ACSL6: variants seen among roughly 807,000 people sequenced by gnomAD.
ACSL6 encodes acyl-CoA synthetase long chain family member 6.
In ACSL6, 47 loss-of-function variants were observed where a neutral mutation model predicts 98.2. That is an observed-to-expected ratio of 0.48 (90% CI 0.38 to 0.61). ACSL6 has a LOEUF of 0.61. Ranked by LOEUF, ACSL6 falls within the 20% of genes least tolerant of loss-of-function variation. ACSL6 has a pLI of 0.00. For synonymous variants in ACSL6, 362 were observed against 336.9 expected (o/e 1.07, Z -0.82); for missense variants, 761 against 913.4 (o/e 0.83, Z 2.15).
chr5:131,969,540 G>C (rs1392053735), intron 15 of ACSL6, among the ~76,000 whole-genome samples: 1 of 152,002 alleles, frequency 6.6e-6, no homozygotes, highest in Non-Finnish European at 1.5e-5. Context: ...TAGATCACAA[G>C]ATACAACTCC....
At chr5:131,967,688 A>AATAATG (rs1209394646) in intron 16 of ACSL6, among the ~76,000 whole-genome samples, 79 of 148,586 alleles carry the variant, frequency 5.3e-4, no homozygotes, top group Admixed American at 1.4e-3. Flanking sequence ...TAATAATAAT[A>AATAATG]ATAATAATAA....
At chr5:131,977,475 G>A (rs1286655237) in intron 9 of ACSL6, among the ~76,000 whole-genome samples, 1 of 152,146 alleles carries the variant, frequency 6.6e-6, no homozygotes, top group Non-Finnish European at 1.5e-5. Flanking sequence ...GATCTGACAG[G>A]GCTCAAATCC....
At position 131,951,906 on chromosome 5, in the gene ACSL6, T is replaced by G. The variant is rs182489396; in HGVS notation, c.*2328A>C. ...CCAGCCAAAAAGAAGAAATATTAAG[T>G]TGTCCATAATCTGTTATATCTAACT... On this transcript the variant is annotated 3_prime_UTR_variant, in exon 21 of 21. Coordinates refer to ENST00000651883, the MANE Select transcript of ACSL6 (RefSeq NM_001009185.3). 2 of 170,650 alleles carry G rather than the reference T, an allele frequency of 1.2e-5. No individual in the cohort carries two copies. The highest frequency in any genetic ancestry group is 1.3e-4 in the Admixed American group (2 of 15,684). The allele number at this position is 170,650 out of a possible 1,614,324, so 10.6% of individuals were successfully genotyped here.
chr5:131,988,662 A>G, intron 6 of ACSL6, 143 bp downstream of exon 6: 1 of 1,601,862 alleles, frequency 6.2e-7, no homozygotes, highest in African/African-American at 1.3e-5. Context: ...AAGCCAACTC[A>G]GGAGCCACAG....
Position 131,974,698 on chromosome 5 carries a change from C to A in ACSL6, c.1068+195G>T, listed in dbSNP as rs1753520195. The A allele has an allele frequency of 3.2e-6, 5 of 1,550,234 alleles. No homozygotes were observed. The South Asian group carries it at 5.9e-5, about 18-fold the overall frequency. ...ACTTCATGCCACCAGTGACAAGTGA[C>A]ACCCGCTAGGGTTATGGGTTCTAGG... On this transcript the variant is annotated intron_variant, in intron 11 of 20. Transcript: ENST00000651883.
intron 2 of ACSL6, 49 bp downstream of exon 2, chr5:131,993,982 G>T: frequency 6.3e-7 from 1 of 1,581,046 alleles, no homozygotes; most frequent in Non-Finnish European, 8.7e-7. Flanking sequence ...CAAGATGCCT[G>T]TCCTCTGCCC....
intron 20 of ACSL6, among the ~76,000 whole-genome samples, chr5:131,954,875 A>G (rs142329521): frequency 1.3e-5 from 2 of 152,318 alleles, no homozygotes; most frequent in African/African-American, 4.8e-5. Flanking sequence ...CAGAGGCAAC[A>G]CCAAAACAAA....
intron 1 of ACSL6, among the ~76,000 whole-genome samples, chr5:132,008,314 C>T (rs11739123): frequency 0.026 from 4,014 of 152,308 alleles, 137 homozygotes; most frequent in African/African-American, 0.079. Context: ...CTGAACTAAG[C>T]CAAAGTGTGC....
At chr5:131,985,504 C>T (rs767386486) in intron 8 of ACSL6, 46 bp from the exon 9 acceptor site, 1 of 1,607,882 alleles carries the variant, frequency 6.2e-7, no homozygotes, top group African/African-American at 1.3e-5. Flanking sequence ...CCAGTGTGGC[C>T]AGCCAGGGCC....
rs1004048671 is a variant in ACSL6 at position 131,951,662 on chromosome 5, T to G, written c.*2572A>C. On this transcript the variant is annotated 3_prime_UTR_variant, in exon 21 of 21. Coordinates refer to ENST00000651883, the MANE Select transcript of ACSL6 (RefSeq NM_001009185.3). ...GTACAGTGGCGGGATCTCGGCTCAC[T>G]GCAAGCTCCGCCTCCCAGGTTCATG... 20 of 172,530 alleles carry G rather than the reference T, an allele frequency of 1.2e-4. No homozygotes were observed. The highest frequency in any genetic ancestry group is 2.5e-5 in the Non-Finnish European group (2 of 79,660). The allele number at this position is 172,530 out of a possible 1,614,324, so 10.7% of individuals were successfully genotyped here. A position where few individuals can be genotyped will look rare whatever the true frequency, so the allele number is the denominator to read the frequency against.
chr5:131,975,198 G>C (rs1754218357), intron 10 of ACSL6: 2 of 1,391,768 alleles, frequency 1.4e-6, no homozygotes, highest in Admixed American at 6.1e-5. Context: ...GAGAGAGACA[G>C]GGCAGCATAG....
chr5:131,977,837 T>C (rs1389922038), intron 9 of ACSL6, among the ~76,000 whole-genome samples: 1 of 152,136 alleles, frequency 6.6e-6, no homozygotes, highest in African/African-American at 2.4e-5. Context: ...GATTTTATGC[T>C]ATGTGAAATT....
At chr5:131,984,255 T>A (rs1174671047) in intron 9 of ACSL6, 1 of 152,256 alleles carries the variant, frequency 6.6e-6, no homozygotes, top group Non-Finnish European at 1.5e-5. Context: ...AGCATGTTTA[T>A]CATGATCCAC....
chr5:131,960,497 G>T (rs2149688349), intron 19 of ACSL6, 23 bp downstream of exon 19: 1 of 1,595,570 alleles, frequency 6.3e-7, no homozygotes, highest in Non-Finnish European at 8.6e-7. Flanking sequence ...TAACCTTTCA[G>T]GAGACAGCCC....
At chr5:131,981,533 C>G (rs1013949549) in intron 9 of ACSL6, among the ~76,000 whole-genome samples, 1 of 152,188 alleles carries the variant, frequency 6.6e-6, no homozygotes, top group Non-Finnish European at 1.5e-5. Flanking sequence ...AAGACACCCT[C>G]TACCCTGATT....
chr5:132,011,918 C>T, upstream of ACSL6: 2 of 1,557,202 alleles, frequency 1.3e-6, no homozygotes, highest in East Asian at 2.4e-5. The surrounding 1 kb of genome is among the most constrained non-coding windows in gnomAD (Gnocchi z 5.4). Flanking sequence ...CAGTACCTGG[C>T]ATTCTGCGGA....
chr5:131,971,783 G>T, intron 13 of ACSL6, 138 bp from the exon 14 acceptor site: 1 of 619,874 alleles, frequency 1.6e-6, no homozygotes, highest in Non-Finnish European at 2.7e-6. Flanking sequence ...GAAGGCCTGA[G>T]GTTGTACAAC....
At chr5:131,993,539 C>G (rs1033537086) in intron 2 of ACSL6, among the ~76,000 whole-genome samples, 4 of 152,222 alleles carry the variant, frequency 2.6e-5, no homozygotes, top group Non-Finnish European at 5.9e-5. Context: ...ACACACCTCA[C>G]CAGTCCTTCC....
intron 16 of ACSL6, among the ~76,000 whole-genome samples, chr5:131,967,294 G>C (rs1053281596): frequency 6.6e-6 from 1 of 152,082 alleles, no homozygotes; most frequent in Non-Finnish European, 1.5e-5. Context: ...CTATGGTCTC[G>C]AGTTCAGTGG....
Sources: allele counts gnomAD v4.1 joint callset (sites outside exome capture counted in the v4.1 genomes callset), GRCh38; gene constraint gnomAD v4.1.1; non-coding constraint Gnocchi (gnomAD v3.1); transcripts MANE v1.5; gene names NCBI Gene and HGNC (gene_info 2026-07-23, HGNC 2026-07-21).